The following CDH4 variants were observed in gnomAD, a reference collection of about 807,000 sequenced individuals.
CDH4 encodes the protein cadherin 4, also known as cadherin-4.
In CDH4, 33 loss-of-function variants were observed where a neutral mutation model predicts 86.0. The ratio of observed to expected loss-of-function variants is 0.38; its 90% CI spans 0.29 to 0.51. The LOEUF (loss-of-function observed/expected upper bound fraction) is 0.51, where lower values mean the gene tolerates loss of function less well. Among genes scored for constraint, CDH4 ranks in the 20% least tolerant of loss-of-function variants. CDH4 has a pLI of 0.86. For missense variants in CDH4, 1,114 were observed against 1,307.4 expected (o/e 0.85, Z 2.28); for synonymous variants, 555 against 549.4 (o/e 1.01, Z -0.14).
chr20:61,934,906 A>G (rs1477815116), intron 15 of CDH4, among the ~76,000 whole-genome samples: 1 of 152,236 alleles, frequency 6.6e-6, no homozygotes, highest in Non-Finnish European at 1.5e-5. Context: ...TGCAAGAAAC[A>G]TTTGAAACAT....
intron 15 of CDH4, among the ~76,000 whole-genome samples, chr20:61,935,072 C>T (rs1361429901): frequency 6.6e-6 from 1 of 152,240 alleles, no homozygotes; most frequent in Non-Finnish European, 1.5e-5. Flanking sequence ...CGGGCAGTGA[C>T]TCTGAGGCTC....
chr20:61,299,474 T>C (rs2084374865), intron 2 of CDH4, among the ~76,000 whole-genome samples: 1 of 152,214 alleles, frequency 6.6e-6, no homozygotes, highest in African/African-American at 2.4e-5. Context: ...AAAATGGCAA[T>C]TTTGAAAAGC....
At chr20:61,836,060 G>A (rs1285321104) in intron 4 of CDH4, among the ~76,000 whole-genome samples, 2 of 152,216 alleles carry the variant, frequency 1.3e-5, no homozygotes, top group Admixed American at 6.5e-5. Flanking sequence ...GCAAGGAAGG[G>A]CTCCATCTGT....
intron 4 of CDH4, among the ~76,000 whole-genome samples, chr20:61,805,672 T>C (rs1244549446): frequency 6.6e-6 from 1 of 152,146 alleles, no homozygotes. Context: ...GGCAGAGGTA[T>C]GTTTAAAACT....
chr20:61,575,682 G>A (rs1233736938), intron 2 of CDH4, among the ~76,000 whole-genome samples: 1 of 152,230 alleles, frequency 6.6e-6, no homozygotes, highest in Non-Finnish European at 1.5e-5. Context: ...CATATTGTCT[G>A]TAACTGCTTT....
intron 2 of CDH4, among the ~76,000 whole-genome samples, chr20:61,512,625 A>G (rs575195431): frequency 4.1e-4 from 63 of 152,366 alleles, no homozygotes; most frequent in African/African-American, 1.5e-3. Flanking sequence ...TCACTTAGAA[A>G]TGTTCCAACA....
At chr20:61,467,481 G>C (rs1431018020) in intron 2 of CDH4, among the ~76,000 whole-genome samples, 1 of 152,150 alleles carries the variant, frequency 6.6e-6, no homozygotes. Context: ...AGTACAATAG[G>C]CATGGTGGCT....
At chr20:61,711,678 T>A (rs1031245145) in intron 2 of CDH4, among the ~76,000 whole-genome samples, 1 of 152,148 alleles carries the variant, frequency 6.6e-6, no homozygotes, top group African/African-American at 2.4e-5. Flanking sequence ...GGTGGCATAG[T>A]CACAGGTCTG....
At chr20:61,362,608 A>G (rs1236267091) in intron 2 of CDH4, among the ~76,000 whole-genome samples, 3 of 151,916 alleles carry the variant, frequency 2.0e-5, no homozygotes, top group Non-Finnish European at 4.4e-5. Flanking sequence ...GTGTAGTGGA[A>G]GTGAAGGGAA....
At chr20:61,312,245 T>G (rs2084450328) in intron 2 of CDH4, among the ~76,000 whole-genome samples, 1 of 150,106 alleles carries the variant, frequency 6.7e-6, no homozygotes, top group Non-Finnish European at 1.5e-5. Flanking sequence ...ATGTGTGTGG[T>G]GTGTGTGTAT....
chr20:61,939,958 C>T lies in CDH4; in HGVS notation c.*3015C>T, dbSNP rs2055243715. 6.6e-6 allele frequency: 1 copy of T among 152,268 alleles called. No homozygotes were observed. The highest frequency in any genetic ancestry group is 1.5e-5 in the Non-Finnish European group (1 of 68,052). 9.4% of individuals were successfully genotyped at this position (152,268 alleles called of 1,614,324 possible). ...CAGAGCAATGTCCAACTGTCAGGCT[C>T]TCAGAGATGCCTCAGTTTCCCTAGC... is the stretch of plus-strand genomic sequence containing the variant. On this transcript the variant is annotated 3_prime_UTR_variant, in exon 16 of 16. Transcript: ENST00000614565.
At chr20:61,535,840 G>A (rs941975339) in intron 2 of CDH4, among the ~76,000 whole-genome samples, 14 of 152,150 alleles carry the variant, frequency 9.2e-5, no homozygotes, top group African/African-American at 3.1e-4. Flanking sequence ...TTGGGCATTC[G>A]AACCCCCTGT....
chr20:61,804,268 G>C (rs1980001890), intron 4 of CDH4, among the ~76,000 whole-genome samples: 1 of 152,220 alleles, frequency 6.6e-6, no homozygotes, highest in African/African-American at 2.4e-5. Flanking sequence ...TTGTCTCTGA[G>C]GCATCACCAG....
At chr20:61,856,387 C>G (rs1312475030) in intron 6 of CDH4, among the ~76,000 whole-genome samples, 1 of 141,204 alleles carries the variant, frequency 7.1e-6, no homozygotes, top group African/African-American at 2.7e-5. Flanking sequence ...CTTCTCCAGC[C>G]CCCCGGGATT....
intron 2 of CDH4, among the ~76,000 whole-genome samples, chr20:61,714,841 T>C (rs1208307561): frequency 6.6e-6 from 1 of 152,244 alleles, no homozygotes; most frequent in East Asian, 1.9e-4. Flanking sequence ...AACATGTCTT[T>C]GCAATTGTGA....
chr20:61,322,055 G>T (rs2084511693), intron 2 of CDH4, among the ~76,000 whole-genome samples: 1 of 152,136 alleles, frequency 6.6e-6, no homozygotes, highest in Non-Finnish European at 1.5e-5. Flanking sequence ...AGGTTACGTG[G>T]TTGGTCAGAG....
chr20:61,836,000 G>A (rs971866713), intron 4 of CDH4, among the ~76,000 whole-genome samples: 15 of 152,342 alleles, frequency 9.8e-5, no homozygotes, highest in African/African-American at 3.1e-4. Context: ...GGGGAAGGCC[G>A]GCCGGTTGGG....
intron 4 of CDH4, among the ~76,000 whole-genome samples, chr20:61,825,940 A>G (rs1981291017): frequency 6.6e-6 from 1 of 151,888 alleles, no homozygotes; most frequent in South Asian, 2.1e-4. Context: ...TTGTCTCCAG[A>G]TTTTGTCAAC....
intron 2 of CDH4, among the ~76,000 whole-genome samples, chr20:61,442,670 C>G (rs910102682): frequency 9.9e-5 from 15 of 152,212 alleles, no homozygotes; most frequent in Admixed American, 6.5e-5. Flanking sequence ...GCCTCATCCA[C>G]GATCAGTGAC....
Sources: gnomAD v4.1 joint callset for allele counts (sites outside exome capture counted in the v4.1 genomes callset) on GRCh38, gnomAD v4.1.1 for gene constraint, MANE v1.5 for transcripts, NCBI Gene and HGNC (gene_info 2026-07-23, HGNC 2026-07-21) for gene names.